FHIT: variants seen among roughly 807,000 people sequenced by gnomAD.
FHIT encodes the protein bis(5'-adenosyl)-triphosphatase.
Under a neutral mutation model 17.9 loss-of-function variants are expected in FHIT, and 19 were observed. That is an observed-to-expected ratio of 1.06 (90% CI 0.74 to 1.56). FHIT has a LOEUF of 1.56. Among genes scored for constraint, FHIT ranks in the 40% most tolerant of loss-of-function variants. FHIT has a pLI of 0.00. For synonymous variants in FHIT, 81 were observed against 69.7 expected (o/e 1.16, Z -0.81); for missense variants, 248 against 189.2 (o/e 1.31, Z -1.82).
intron 2 of FHIT, among the ~76,000 whole-genome samples, chr3:61,098,391 C>T (rs990636517): frequency 2.0e-5 from 3 of 152,110 alleles, no homozygotes; most frequent in African/African-American, 7.2e-5. Flanking sequence ...ATGATGCCTC[C>T]AGTTTTGTTC....
chr3:60,097,865 GCCCC>G (rs1400915186), intron 5 of FHIT, among the ~76,000 whole-genome samples: 4 of 84,886 alleles, frequency 4.7e-5, no homozygotes, highest in Non-Finnish European at 6.7e-5. Flanking sequence ...CCCTCCCCCC[GCCCC>G]CCACCCCACA....
At chr3:60,492,124 C>T (rs979654489) in intron 5 of FHIT, among the ~76,000 whole-genome samples, 44 of 152,122 alleles carry the variant, frequency 2.9e-4, no homozygotes, top group African/African-American at 9.9e-4. Flanking sequence ...CTCACTTGTT[C>T]ACATAATCTT....
intron 3 of FHIT, among the ~76,000 whole-genome samples, chr3:60,825,214 G>A (rs1702072071): frequency 6.6e-6 from 1 of 152,052 alleles, no homozygotes; most frequent in Non-Finnish European, 1.5e-5. Flanking sequence ...GTATACCAGG[G>A]CTAAGAAACA....
intron 5 of FHIT, among the ~76,000 whole-genome samples, chr3:60,447,942 A>G (rs1329545056): frequency 1.3e-5 from 2 of 152,212 alleles, no homozygotes; most frequent in Non-Finnish European, 2.9e-5. Context: ...ATTCACCTGC[A>G]GAAGAAAGTA....
intron 5 of FHIT, among the ~76,000 whole-genome samples, chr3:60,254,577 G>A (rs1705889696): frequency 1.3e-5 from 2 of 152,024 alleles, no homozygotes; most frequent in Admixed American, 1.3e-4. Flanking sequence ...AAAGTCATCG[G>A]CCAACAATAT....
chr3:60,360,552 C>G lies in FHIT; in HGVS notation c.103+176308G>C, dbSNP rs1022151484. ...TGACCTTGGGTAAGGCATATAACTT[C>G]ACTGAGATTCACTCTGAGCACCCAC... On this transcript the variant is annotated intron_variant, in intron 5 of 9. Coordinates refer to ENST00000492590, the MANE Select transcript of FHIT (RefSeq NM_002012.4). Among the ~76,000 whole-genome samples the G allele has an allele frequency of 2.0e-5, 3 of 152,228 alleles. No homozygotes were observed. In the South Asian group the frequency reaches 6.2e-4, roughly 32 times the overall value.
chr3:60,174,229 A>C (rs1701567082), intron 5 of FHIT, among the ~76,000 whole-genome samples: 3 of 151,528 alleles, frequency 2.0e-5, no homozygotes, highest in Admixed American at 2.0e-4. Context: ...TATTTTTAAG[A>C]CTGAAGTGCT....
At chr3:60,783,411 G>C (rs1214957803) in intron 4 of FHIT, among the ~76,000 whole-genome samples, 2 of 152,162 alleles carry the variant, frequency 1.3e-5, no homozygotes, top group African/African-American at 2.4e-5. Flanking sequence ...TGCTACAGAT[G>C]CCCACAAAGG....
chr3:60,227,696 GT>G (rs1170292371), intron 5 of FHIT, among the ~76,000 whole-genome samples: 4 of 152,114 alleles, frequency 2.6e-5, no homozygotes, highest in African/African-American at 9.7e-5. Context: ...ATAAAAACAA[GT>G]ATTAGGTATC....
At chr3:60,595,054 T>C (rs1553665745) in intron 4 of FHIT, among the ~76,000 whole-genome samples, 1 of 152,138 alleles carries the variant, frequency 6.6e-6, no homozygotes, top group Non-Finnish European at 1.5e-5. Context: ...CCAAGGCGTC[T>C]ACCTGGCCAA....
chr3:61,172,220 A>G (rs928182707), intron 2 of FHIT, among the ~76,000 whole-genome samples: 2 of 152,256 alleles, frequency 1.3e-5, no homozygotes, highest in African/African-American at 2.4e-5. Flanking sequence ...TAAATAAACC[A>G]TGACACAACT....
intron 7 of FHIT, among the ~76,000 whole-genome samples, chr3:59,931,872 T>C (rs549632524): frequency 2.6e-5 from 4 of 152,212 alleles, no homozygotes. Context: ...GCACCATGGC[T>C]TTGATGATGT....
intron 2 of FHIT, among the ~76,000 whole-genome samples, chr3:61,162,454 A>G (rs2037724280): frequency 6.6e-6 from 1 of 152,208 alleles, no homozygotes; most frequent in South Asian, 2.1e-4. Flanking sequence ...AACATGGTGG[A>G]TCATACTCAA....
intron 2 of FHIT, among the ~76,000 whole-genome samples, chr3:61,189,997 G>C (rs2038661645): frequency 6.6e-6 from 1 of 152,180 alleles, no homozygotes; most frequent in Admixed American, 6.5e-5. Flanking sequence ...GAAAACCTAG[G>C]CAATACCATT....
At chr3:60,592,108 T>C (rs1553664527) in intron 4 of FHIT, among the ~76,000 whole-genome samples, 1 of 150,992 alleles carries the variant, frequency 6.6e-6, no homozygotes, top group African/African-American at 2.4e-5. Flanking sequence ...TTAGAAGCTA[T>C]ATGTATTCTT....
At chr3:60,113,594 G>A (rs533816641) in intron 5 of FHIT, among the ~76,000 whole-genome samples, 12 of 151,900 alleles carry the variant, frequency 7.9e-5, no homozygotes, top group Non-Finnish European at 1.5e-4. Flanking sequence ...AAGATTCTAC[G>A]ATGACAGCTG....
At chr3:60,099,245 A>G (rs7609578) in intron 5 of FHIT, among the ~76,000 whole-genome samples, 102,758 of 152,080 alleles carry the variant, frequency 0.68, 35,164 homozygotes, top group East Asian at 0.98. Context: ...TAACTTATCC[A>G]TCTACCAACC....
intron 4 of FHIT, among the ~76,000 whole-genome samples, chr3:60,620,169 T>C (rs2039079090): frequency 6.6e-6 from 1 of 152,170 alleles, no homozygotes; most frequent in African/African-American, 2.4e-5. Flanking sequence ...AGTGAGGATG[T>C]GGGGCAACAG....
intron 5 of FHIT, among the ~76,000 whole-genome samples, chr3:60,224,535 C>T (rs1005050429): frequency 5.3e-5 from 8 of 151,990 alleles, no homozygotes; most frequent in Non-Finnish European, 1.0e-4. Flanking sequence ...CCTCCTAAGC[C>T]ATCCATGAGG....
Sources: gnomAD v4.1 joint callset for allele counts (sites outside exome capture counted in the v4.1 genomes callset) on GRCh38, gnomAD v4.1.1 for gene constraint, MANE v1.5 for transcripts, NCBI Gene and HGNC (gene_info 2026-07-23, HGNC 2026-07-21) for gene names.